Variants in TLL1 observed in about 807,000 individuals in gnomAD.
TLL1 encodes the protein tolloid-like protein 1.
Under a neutral mutation model 128.2 loss-of-function variants are expected in TLL1, and 49 were observed. The ratio of observed to expected loss-of-function variants is 0.38; its 90% CI spans 0.30 to 0.48. The LOEUF (loss-of-function observed/expected upper bound fraction) is 0.48, where lower values mean the gene tolerates loss of function less well. Among genes scored for constraint, TLL1 ranks in the 20% least tolerant of loss-of-function variants. The pLI is 0.96. For missense variants in TLL1, 1,123 were observed against 1,242.0 expected (o/e 0.90, Z 1.44); for synonymous variants, 454 against 418.8 (o/e 1.08, Z -1.03).
At chr4:166,048,101 T>G (rs1220985099) in intron 12 of TLL1, among the ~76,000 whole-genome samples, 1 of 151,706 alleles carries the variant, frequency 6.6e-6, no homozygotes, top group Non-Finnish European at 1.5e-5. Context: ...CTGGGCGTGG[T>G]GGTGGGCGCC....
Position 166,043,420 on chromosome 4 carries a change from G to A in TLL1, c.1524+1G>A. 1 of 1,613,770 alleles carries A rather than the reference G, an allele frequency of 6.2e-7. No individual in the cohort carries two copies. Among genetic ancestry groups the A allele is most frequent in the East Asian group, 2.2e-5 (1 of 44,842 alleles). On this transcript the variant is annotated splice_donor_variant, in intron 12 of 20. Coordinates refer to ENST00000061240, the MANE Select transcript of TLL1 (RefSeq NM_012464.5). LOFTEE classifies it high-confidence loss of function. ...CGGGCTGACCTTTCAGTCCTTTGAG[G>A]TAAAGTCTTTTAGGCTATCTTCCTG...
chr4:165,986,152 A>G (rs1736385456), intron 1 of TLL1, among the ~76,000 whole-genome samples: 1 of 152,004 alleles, frequency 6.6e-6, no homozygotes, highest in Admixed American at 6.6e-5. Context: ...TACCACATAA[A>G]AACGAAAACA....
rs573623697 is a variant in TLL1 at position 166,014,229 on chromosome 4, T to C, written c.918-207T>C. On this transcript the variant is annotated intron_variant, in intron 7 of 20. Transcript: ENST00000061240. Reference sequence around the variant, plus strand: ...TCAAGGAAACAAATGAATGTCATCATTGAGTTTATACTAGGCATACACATT... The same window carrying C: ...TCAAGGAAACAAATGAATGTCATCACTGAGTTTATACTAGGCATACACATT... Among the ~76,000 whole-genome samples, 343 of 152,096 alleles carry C rather than the reference T, an allele frequency of 2.3e-3. 19 individuals are homozygous for C. In the South Asian group the frequency reaches 0.068, roughly 30 times the overall value.
At position 165,873,794 on chromosome 4, in the gene TLL1, A is replaced by G. The variant is rs1279012085; in HGVS notation, c.-111A>G. The G allele has an allele frequency of 7.9e-7, 1 of 1,260,196 alleles. No individual in the cohort carries two copies. Among genetic ancestry groups the G allele is most frequent in the African/African-American group, 1.5e-5 (1 of 67,530 alleles). 78.1% of individuals were successfully genotyped at this position (1,260,196 alleles called of 1,614,324 possible). On this transcript the variant is annotated 5_prime_UTR_variant, in exon 1 of 21. Transcript: ENST00000061240. ...CCTGAGCACCCCGGTCCCGCCGAGGAGCCTCCGGGTGGGGAGAAGAGCACC... is the reference window on the plus strand; with the variant it reads ...CCTGAGCACCCCGGTCCCGCCGAGGGGCCTCCGGGTGGGGAGAAGAGCACC...
chr4:166,069,666 A>G (rs1168900587), intron 16 of TLL1, among the ~76,000 whole-genome samples: 3 of 151,818 alleles, frequency 2.0e-5, no homozygotes, highest in African/African-American at 7.2e-5. Context: ...TTTAAAACAA[A>G]CACTTTTTAG....
Position 166,091,116 on chromosome 4 carries a change from T to C in TLL1, c.2443-12T>C. 2.5e-6 allele frequency: 4 copies of C among 1,606,614 alleles called. No homozygotes were observed. The highest frequency in any genetic ancestry group is 3.4e-6 in the Non-Finnish European group (4 of 1,176,222). On this transcript the variant is annotated splice_polypyrimidine_tract_variant and intron_variant, in intron 18 of 20. Transcript: ENST00000061240. ...TTTTTTTTAAAAAAATTATTTCTTC[T>C]TTTTAAAAAAGGCCTTTAGTGAATT...
chr4:166,060,241 G>A, intron 15 of TLL1, 53 bp downstream of exon 15: 3 of 1,569,188 alleles, frequency 1.9e-6, no homozygotes, highest in South Asian at 2.2e-5. Context: ...ACTCCCTGAA[G>A]GCAAACTGTG....
intron 3 of TLL1, 113 bp from the exon 4 acceptor site, chr4:165,994,268 G>A: frequency 2.4e-6 from 3 of 1,264,156 alleles, no homozygotes; most frequent in South Asian, 2.6e-5. Flanking sequence ...TTGACTTCTG[G>A]CATTTATACA....
chr4:166,071,517 TTG>T (rs1273353852), intron 16 of TLL1, among the ~76,000 whole-genome samples: 3 of 151,992 alleles, frequency 2.0e-5, no homozygotes, highest in Admixed American at 6.6e-5. Context: ...TTTCTTCATT[TTG>T]TGTCTAGTGT....
At chr4:166,092,290 A>T (rs918831395) in intron 19 of TLL1, among the ~76,000 whole-genome samples, 3 of 151,996 alleles carry the variant, frequency 2.0e-5, no homozygotes, top group Non-Finnish European at 4.4e-5. Flanking sequence ...ATCCAACATT[A>T]TTTTTCATTC....
intron 1 of TLL1, among the ~76,000 whole-genome samples, chr4:165,942,896 T>C (rs1441560230): frequency 6.6e-6 from 1 of 152,058 alleles, no homozygotes; most frequent in Non-Finnish European, 1.5e-5. Context: ...CCAAAATGTG[T>C]AGTTTATCAC....
chr4:165,922,794 G>C (rs72697340), intron 1 of TLL1, among the ~76,000 whole-genome samples: 3,715 of 152,264 alleles, frequency 0.024, 75 homozygotes, highest in South Asian at 0.053. Flanking sequence ...GAATTTATAT[G>C]TATGTAAACA....
intron 1 of TLL1, among the ~76,000 whole-genome samples, chr4:165,951,620 T>C (rs757886573): frequency 3.3e-5 from 5 of 152,152 alleles, no homozygotes; most frequent in Non-Finnish European, 7.3e-5. Flanking sequence ...TTAGATGTGT[T>C]ACCCTAATGA....
At chr4:166,012,858 A>G (rs1017322822) in intron 7 of TLL1, among the ~76,000 whole-genome samples, 15 of 151,688 alleles carry the variant, frequency 9.9e-5, no homozygotes, top group African/African-American at 3.6e-4. Flanking sequence ...CAGTCTCCCT[A>G]TTTGAGTTAG....
chr4:166,075,955 AT>A (rs1476289235), intron 17 of TLL1, among the ~76,000 whole-genome samples: 8 of 152,156 alleles, frequency 5.3e-5, no homozygotes, highest in Non-Finnish European at 1.2e-4. Context: ...ACAAACAGGA[AT>A]TTTTCTTTCT....
intron 15 of TLL1, among the ~76,000 whole-genome samples, chr4:166,062,303 T>C (rs1454104808): frequency 6.6e-6 from 1 of 152,212 alleles, no homozygotes; most frequent in East Asian, 1.9e-4. Context: ...ATAAATTACC[T>C]TGGGCAGTAT....
chr4:166,047,566 C>T (rs982337860), intron 12 of TLL1, among the ~76,000 whole-genome samples: 19 of 150,602 alleles, frequency 1.3e-4, no homozygotes, highest in African/African-American at 4.6e-4. Flanking sequence ...TAAACTTGTC[C>T]ATCATGCTGT....
chr4:165,995,272 T>C, intron 5 of TLL1, 94 bp downstream of exon 5: 1 of 1,001,128 alleles, frequency 1.0e-6, no homozygotes, highest in Non-Finnish European at 1.6e-6. Context: ...TCTTAAGATT[T>C]GCTTTGTATT....
rs1173765175 is a variant in TLL1 at position 165,874,052 on chromosome 4, T to A, written c.148T>A (p.Tyr50Asn). Residue 50 changes from tyrosine (Y) to asparagine (N), a missense_variant, in exon 1 of 21, where the codon TAC becomes AAC. Coordinates refer to ENST00000061240, the MANE Select transcript of TLL1 (RefSeq NM_012464.5). ...AGAGGATAAAACAGAGACTATAGAT[T>A]ACAAGGACCCGTGTAAAGCCGGTAA... is the stretch of plus-strand genomic sequence containing the variant. ...NEEDKTETID[Y>N]KDPCKAAVFW... 3 of 1,614,076 alleles carry A rather than the reference T, an allele frequency of 1.9e-6. No individual in the cohort carries two copies. Among genetic ancestry groups the A allele is most frequent in the Non-Finnish European group, 2.5e-6 (3 of 1,179,988 alleles).
Sources: allele counts gnomAD v4.1 joint callset (sites outside exome capture counted in the v4.1 genomes callset), GRCh38; gene constraint gnomAD v4.1.1; transcripts MANE v1.5; gene names NCBI Gene and HGNC (gene_info 2026-07-23, HGNC 2026-07-21).